Variants in CCSER1 observed in about 807,000 individuals in gnomAD.
The protein encoded by CCSER1 is coiled-coil serine rich protein 1.
A neutral mutation model predicts 82.0 loss-of-function variants in CCSER1; 41 were observed. The ratio of observed to expected loss-of-function variants is 0.50; its 90% CI spans 0.39 to 0.65. The LOEUF (loss-of-function observed/expected upper bound fraction) is 0.65. Ranked by LOEUF, CCSER1 falls within the 30% of genes least tolerant of loss-of-function variation. The probability of loss-of-function intolerance (pLI) is 0.00; values close to 1 mark genes in which losing one functional copy is unlikely to be tolerated. For synonymous variants in CCSER1, 414 were observed against 383.9 expected (o/e 1.08, Z -0.92); for missense variants, 1,119 against 1,064.2 (o/e 1.05, Z -0.72).
At chr4:90,535,428 C>CA (rs998563266) in intron 5 of CCSER1, among the ~76,000 whole-genome samples, 4 of 151,478 alleles carry the variant, frequency 2.6e-5, no homozygotes, top group African/African-American at 7.3e-5. Flanking sequence ...ATACAAAAAA[C>CA]AAAAAAACAA....
At chr4:91,007,202 T>G (rs1477040238) in intron 9 of CCSER1, among the ~76,000 whole-genome samples, 1 of 152,166 alleles carries the variant, frequency 6.6e-6, no homozygotes, top group Non-Finnish European at 1.5e-5. Flanking sequence ...AGTATTTTGT[T>G]GAGGATTTTT....
intron 1 of CCSER1, among the ~76,000 whole-genome samples, chr4:90,277,080 T>C (rs922250073): frequency 1.3e-5 from 2 of 152,104 alleles, no homozygotes; most frequent in African/African-American, 4.8e-5. Flanking sequence ...ATGCCTTTTT[T>C]TTTTCTCTTG....
rs1333540478 is a variant in CCSER1 at position 90,933,067 on chromosome 4, A to G, written c.2172+9620A>G. On this transcript the variant is annotated intron_variant, in intron 9 of 10. Coordinates refer to ENST00000509176, the MANE Select transcript of CCSER1 (RefSeq NM_001145065.2). ...AAGAGAAGGAAGGAACGAAGGAAAG[A>G]AGAAAAGAAAGAAAGAAAAGAAAAG... is the stretch of plus-strand genomic sequence containing the variant. Among the ~76,000 whole-genome samples the G allele has an allele frequency of 6.2e-5, 7 of 113,376 alleles. 1 individual carries two copies. Among genetic ancestry groups the G allele is most frequent in the African/African-American group, 3.0e-4 (7 of 23,182 alleles). The allele number at this position is 113,376 out of a possible 152,430, so 74.4% of individuals were successfully genotyped here.
chr4:90,915,431 A>G (rs913560399), intron 8 of CCSER1, among the ~76,000 whole-genome samples: 1 of 152,216 alleles, frequency 6.6e-6, no homozygotes, highest in African/African-American at 2.4e-5. Flanking sequence ...TTATCTCAAT[A>G]GATGCAGAAA....
chr4:91,419,098 G>A (rs1198137960), intron 10 of CCSER1, among the ~76,000 whole-genome samples: 1 of 151,876 alleles, frequency 6.6e-6, no homozygotes, highest in Non-Finnish European at 1.5e-5. Flanking sequence ...ATAATGAGTG[G>A]TCATATAAAA....
intron 4 of CCSER1, among the ~76,000 whole-genome samples, chr4:90,426,194 A>G (rs62312941): frequency 0.067 from 10,198 of 152,254 alleles, 506 homozygotes; most frequent in African/African-American, 0.13. Flanking sequence ...TTTCTCATCT[A>G]TAAAATATTT....
intron 10 of CCSER1, among the ~76,000 whole-genome samples, chr4:91,502,790 A>T (rs1171594765): frequency 1.3e-5 from 2 of 152,198 alleles, no homozygotes; most frequent in East Asian, 3.8e-4. Flanking sequence ...ACTGACACAC[A>T]AGTGCTCCAA....
chr4:90,169,941 C>T (rs1052145727), intron 1 of CCSER1, among the ~76,000 whole-genome samples: 8 of 151,886 alleles, frequency 5.3e-5, no homozygotes, highest in Admixed American at 2.0e-4. Context: ...ACCTCCTTCC[C>T]TTTCTTCTTT....
intron 10 of CCSER1, among the ~76,000 whole-genome samples, chr4:91,228,494 A>G (rs1738381433): frequency 6.6e-6 from 1 of 151,980 alleles, no homozygotes; most frequent in South Asian, 2.1e-4. Flanking sequence ...TAAACAAAAA[A>G]ATTTTAAAGA....
At chr4:91,525,131 C>T (rs928953768) in intron 10 of CCSER1, among the ~76,000 whole-genome samples, 5 of 151,888 alleles carry the variant, frequency 3.3e-5, no homozygotes, top group Non-Finnish European at 4.4e-5. Context: ...TGGAGAAGTT[C>T]CAGGTTTAAG....
At chr4:90,419,590 T>C (rs961304927) in intron 4 of CCSER1, among the ~76,000 whole-genome samples, 1 of 151,902 alleles carries the variant, frequency 6.6e-6, no homozygotes, top group Non-Finnish European at 1.5e-5. Flanking sequence ...GGTTATATGT[T>C]TTCCAAGGCA....
At chr4:90,807,864 A>G (rs1757722840) in intron 7 of CCSER1, among the ~76,000 whole-genome samples, 1 of 152,124 alleles carries the variant, frequency 6.6e-6, no homozygotes, top group Admixed American at 6.5e-5. Context: ...AAAATACCCC[A>G]ACGTCATTTT....
chr4:90,705,891 G>A (rs971660081), intron 6 of CCSER1, among the ~76,000 whole-genome samples: 4 of 152,170 alleles, frequency 2.6e-5, no homozygotes, highest in Non-Finnish European at 5.9e-5. Context: ...CCTTTGCTAG[G>A]AAAGGGAATT....
chr4:90,705,933 A>C (rs569711100), intron 6 of CCSER1, among the ~76,000 whole-genome samples: 1 of 152,298 alleles, frequency 6.6e-6, no homozygotes, highest in East Asian at 1.9e-4. Flanking sequence ...GGGTCAGGCG[A>C]TGCCTTGCCC....
chr4:90,815,237 G>A (rs2149761505), intron 7 of CCSER1, among the ~76,000 whole-genome samples: 1 of 152,124 alleles, frequency 6.6e-6, no homozygotes, highest in Admixed American at 6.5e-5. Flanking sequence ...TCACTATCAT[G>A]AGAATATCAT....
intron 10 of CCSER1, among the ~76,000 whole-genome samples, chr4:91,407,695 C>T (rs984960461): frequency 1.3e-5 from 2 of 152,076 alleles, no homozygotes; most frequent in Non-Finnish European, 2.9e-5. Context: ...ACAGAGATCA[C>T]ATGGTGAGAG....
intron 7 of CCSER1, among the ~76,000 whole-genome samples, chr4:90,732,752 T>C (rs1744977250): frequency 6.6e-6 from 1 of 152,210 alleles, no homozygotes; most frequent in African/African-American, 2.4e-5. Flanking sequence ...ATTATTGTAA[T>C]ATTTAGCTCC....
At chr4:91,068,797 T>TA (rs375706887) in intron 9 of CCSER1, among the ~76,000 whole-genome samples, 1 of 152,292 alleles carries the variant, frequency 6.6e-6, no homozygotes, top group African/African-American at 2.4e-5. Context: ...TTGATATAGG[T>TA]AAAGGCCACA....
chr4:91,488,689 T>TAA (rs1370736070), intron 10 of CCSER1, among the ~76,000 whole-genome samples: 1 of 152,198 alleles, frequency 6.6e-6, no homozygotes, highest in Non-Finnish European at 1.5e-5. Context: ...ACCATGATTC[T>TAA]AAGTTTCCTG....
Sources: gnomAD v4.1 joint callset for allele counts (sites outside exome capture counted in the v4.1 genomes callset) on GRCh38, gnomAD v4.1.1 for gene constraint, MANE v1.5 for transcripts, NCBI Gene and HGNC (gene_info 2026-07-23, HGNC 2026-07-21) for gene names.